Variants in ITGB8 observed in about 807,000 individuals in gnomAD.
ITGB8 encodes integrin beta-8.
A neutral mutation model predicts 89.5 loss-of-function variants in ITGB8; 30 were observed. The observed-to-expected ratio is 0.34, with a 90% CI of 0.25 to 0.45. The LOEUF (loss-of-function observed/expected upper bound fraction) is 0.45, where lower values mean the gene tolerates loss of function less well. Among genes scored for constraint, ITGB8 ranks in the 20% least tolerant of loss-of-function variants. ITGB8 has a pLI of 1.00. For synonymous variants in ITGB8, 335 were observed against 320.4 expected, an observed-to-expected ratio of 1.05 and a Z score of -0.49; for missense variants, 836 against 933.3, an observed-to-expected ratio of 0.90 and a Z score of 1.36.
intron 12 of ITGB8, among the ~76,000 whole-genome samples, chr7:20,407,357 AAC>A (rs1459044670): frequency 6.6e-6 from 1 of 152,028 alleles, no homozygotes; most frequent in Non-Finnish European, 1.5e-5. Context: ...AAAAAAAAAA[AAC>A]AACAAAAGCA....
At chr7:20,396,682 T>C (rs148121992) in intron 8 of ITGB8, among the ~76,000 whole-genome samples, 2 of 152,272 alleles carry the variant, frequency 1.3e-5, no homozygotes, top group African/African-American at 4.8e-5. Context: ...TTCCCAAGAA[T>C]AATCAAAATA....
intron 3 of ITGB8, among the ~76,000 whole-genome samples, chr7:20,378,526 C>A (rs1211061310): frequency 6.6e-6 from 1 of 152,132 alleles, no homozygotes; most frequent in South Asian, 2.1e-4. Flanking sequence ...CTACACAGTA[C>A]CAGAGTTTTC....
intron 3 of ITGB8, among the ~76,000 whole-genome samples, chr7:20,377,759 C>A (rs763978126): frequency 1.3e-5 from 2 of 152,078 alleles, no homozygotes; most frequent in Admixed American, 6.5e-5. Flanking sequence ...GTTGCCTGCA[C>A]AGAAAAAGCA....
chr7:20,346,512 G>T, intron 1 of ITGB8: 1 of 156,244 alleles, frequency 6.4e-6, no homozygotes, highest in Non-Finnish European at 1.4e-5. Flanking sequence ...TTAGTCTTTG[G>T]GATCTCAAGG....
Position 20,345,145 on chromosome 7 carries a change from G to A in ITGB8, c.127+13212G>A, listed in dbSNP as rs539041703. On this transcript the variant is annotated intron_variant, in intron 1 of 13. Coordinates refer to ENST00000222573, the MANE Select transcript of ITGB8 (RefSeq NM_002214.3). ...TGAGAAGGTGCTGAGCCAATTCCCA[G>A]GGCCTCAGGGAGGGAAATATGAACA... 2.0e-5 allele frequency among the ~76,000 whole-genome samples: 3 copies of A among 152,218 alleles called. No individual in the cohort carries two copies. The South Asian group carries it at 6.2e-4, about 32-fold the overall frequency.
rs1474171362 is a variant in ITGB8 at position 20,331,765 on chromosome 7, A to C, written c.-42A>C. ...CCGGGAGGCGCGAGCCCGCGTCCGG[A>C]AGGCAGTCAGGCGGCGGGCGCGGGG... is the stretch of plus-strand genomic sequence containing the variant. On this transcript the variant is annotated 5_prime_UTR_variant, in exon 1 of 14. Transcript: ENST00000222573. The C allele has an allele frequency of 1.3e-6, 2 of 1,591,490 alleles. No individual in the cohort carries two copies. Among genetic ancestry groups the C allele is most frequent in the Non-Finnish European group, 8.6e-7 (1 of 1,169,356 alleles).
intron 3 of ITGB8, among the ~76,000 whole-genome samples, chr7:20,377,170 TG>T (rs1786185984): frequency 6.6e-6 from 1 of 152,180 alleles, no homozygotes; most frequent in Non-Finnish European, 1.5e-5. Context: ...ATACCTTTGC[TG>T]GGTCCCTGGC....
intron 3 of ITGB8, among the ~76,000 whole-genome samples, chr7:20,374,897 G>A (rs1233266876): frequency 1.3e-5 from 2 of 152,148 alleles, no homozygotes; most frequent in Admixed American, 6.5e-5. Context: ...GGATCGACTC[G>A]GTGGTATAGA....
Position 20,401,866 on chromosome 7 carries a change from G to T in ITGB8, c.1427G>T (p.Gly476Val), listed in dbSNP as rs777564682. The T allele has an allele frequency of 6.2e-7, 1 of 1,614,080 alleles. No homozygotes were observed. The highest frequency in any genetic ancestry group is 1.3e-5 in the African/African-American group (1 of 75,036). Residue 476 changes from glycine (G) to valine (V), a missense_variant, in exon 10 of 14, where the codon GGA becomes GTA. Coordinates refer to ENST00000222573, the MANE Select transcript of ITGB8 (RefSeq NM_002214.3). ...AGCTGTCAGTGTGAGGACAACAGAGGACCTAAAGGAAAGTGTGTAGATGAA... is the reference window on the plus strand; with the variant it reads ...AGCTGTCAGTGTGAGGACAACAGAGTACCTAAAGGAAAGTGTGTAGATGAA... ...NCSCQCEDNR[G>V]PKGKCVDETF...
intron 3 of ITGB8, among the ~76,000 whole-genome samples, chr7:20,371,185 T>G (rs1785920801): frequency 6.6e-6 from 1 of 152,160 alleles, no homozygotes; most frequent in African/African-American, 2.4e-5. Flanking sequence ...TCAATAAAAT[T>G]TAGTGCCCAT....
chr7:20,330,210 C>T (rs190647723), upstream of ITGB8, among the ~76,000 whole-genome samples: 2 of 152,178 alleles, frequency 1.3e-5, no homozygotes, highest in Non-Finnish European at 1.5e-5. Context: ...CGGGAACAGC[C>T]CCTGCAGACT....
At chr7:20,385,860 T>C (rs951449009) in intron 6 of ITGB8, among the ~76,000 whole-genome samples, 1 of 152,194 alleles carries the variant, frequency 6.6e-6, no homozygotes, top group African/African-American at 2.4e-5. Context: ...AAAGGGATAT[T>C]TCTGACATTT....
At chr7:20,361,508 AAG>A (rs1327052067) in intron 1 of ITGB8, among the ~76,000 whole-genome samples, 1 of 152,190 alleles carries the variant, frequency 6.6e-6, no homozygotes, top group Non-Finnish European at 1.5e-5. Context: ...CAGAAGCACA[AAG>A]AGAGCTAAAA....
chr7:20,371,515 G>A (rs760750657), intron 3 of ITGB8, among the ~76,000 whole-genome samples: 65 of 152,066 alleles, frequency 4.3e-4, no homozygotes, highest in Non-Finnish European at 2.6e-4. Context: ...AATGTAAACT[G>A]TTTAGGAATA....
chr7:20,329,997 C>G (rs936111137), upstream of ITGB8, among the ~76,000 whole-genome samples: 5 of 152,192 alleles, frequency 3.3e-5, no homozygotes, highest in Admixed American at 3.3e-4. Flanking sequence ...ACTTTCTCTC[C>G]TTAGCTCCCC....
chr7:20,406,634 T>G (rs1583547302), intron 12 of ITGB8, among the ~76,000 whole-genome samples: 1 of 152,176 alleles, frequency 6.6e-6, no homozygotes, highest in African/African-American at 2.4e-5. Flanking sequence ...AAATGTGTGT[T>G]TTTGTGTCAT....
chr7:20,365,565 C>G (rs1324414461), intron 2 of ITGB8: 1 of 152,180 alleles, frequency 6.6e-6, no homozygotes, highest in East Asian at 1.9e-4. Flanking sequence ...AAGCACTGGG[C>G]ACAGAGGCAT....
chr7:20,342,921 G>A (rs923143600), intron 1 of ITGB8, among the ~76,000 whole-genome samples: 1 of 152,202 alleles, frequency 6.6e-6, no homozygotes, highest in Non-Finnish European at 1.5e-5. Context: ...TGGATATGCA[G>A]TGTGGGTCTG....
chr7:20,362,192 C>A (rs1434140500), intron 1 of ITGB8, among the ~76,000 whole-genome samples: 1 of 152,126 alleles, frequency 6.6e-6, no homozygotes, highest in Non-Finnish European at 1.5e-5. Context: ...CAGGTCAGAA[C>A]TGCTTTTATC....
Sources: allele counts gnomAD v4.1 joint callset (sites outside exome capture counted in the v4.1 genomes callset), GRCh38; gene constraint gnomAD v4.1.1; transcripts MANE v1.5; gene names NCBI Gene and HGNC (gene_info 2026-07-23, HGNC 2026-07-21).